Variants in SMYD3 observed in about 807,000 individuals in gnomAD.
The protein encoded by SMYD3 is histone-lysine N-methyltransferase SMYD3.
SMYD3 carries 36 observed loss-of-function variants against 57.7 expected under a neutral mutation model. The observed-to-expected ratio is 0.62, with a 90% CI of 0.48 to 0.82. The LOEUF is 0.82. Among genes scored for constraint, SMYD3 ranks in the 40% least tolerant of loss-of-function variants. The pLI is 0.00. For synonymous variants in SMYD3, 211 were observed against 195.0 expected, an observed-to-expected ratio of 1.08 and a Z score of -0.68; for missense variants, 515 against 538.8, an observed-to-expected ratio of 0.96 and a Z score of 0.44.
At chr1:246,296,921 G>A (rs1028896380) in intron 5 of SMYD3, among the ~76,000 whole-genome samples, 2 of 152,140 alleles carry the variant, frequency 1.3e-5, no homozygotes, top group Non-Finnish European at 2.9e-5. Flanking sequence ...ATGCTTCTAG[G>A]TTGAGGAACT....
chr1:246,256,484 T>C (rs2063896959), intron 5 of SMYD3, among the ~76,000 whole-genome samples: 1 of 152,232 alleles, frequency 6.6e-6, no homozygotes, highest in Admixed American at 6.5e-5. Context: ...GTGTTCATAA[T>C]AGTCTCTGAG....
At position 246,378,765 on chromosome 1, in the gene SMYD3, T is replaced by G. The variant is rs1179771469; in HGVS notation, c.165-23671A>C. Among the ~76,000 whole-genome samples, 5 of 120,478 alleles carry G rather than the reference T, an allele frequency of 4.2e-5. No individual in the cohort carries two copies. In the South Asian group the frequency reaches 1.1e-3, roughly 27 times the overall value. The allele number at this position is 120,478 out of a possible 152,430, so 79.0% of individuals were successfully genotyped here. A position where few individuals can be genotyped will look rare whatever the true frequency, so the allele number is the denominator to read the frequency against. ...AATTATATATAATATATTTAATATA[T>G]TATATATAATTTAATATATTTAATA... On this transcript the variant is annotated intron_variant, in intron 1 of 11. Transcript: ENST00000490107.
intron 10 of SMYD3, among the ~76,000 whole-genome samples, chr1:245,808,029 G>GA (rs146217578): frequency 0.011 from 1,617 of 152,168 alleles, 25 homozygotes; most frequent in African/African-American, 0.036. Context: ...AATGAGGACA[G>GA]AAAAAAATGT....
intron 8 of SMYD3, among the ~76,000 whole-genome samples, chr1:245,885,515 C>G (rs141683610): frequency 6.6e-6 from 1 of 152,150 alleles, no homozygotes; most frequent in African/African-American, 2.4e-5. Flanking sequence ...AAAACCTTAC[C>G]GAGGACTTCC....
intron 5 of SMYD3, among the ~76,000 whole-genome samples, chr1:245,983,092 C>T (rs1277111224): frequency 6.6e-6 from 1 of 152,134 alleles, no homozygotes; most frequent in African/African-American, 2.4e-5. Flanking sequence ...ATCTTTCCCC[C>T]CATGCTACCA....
intron 5 of SMYD3, among the ~76,000 whole-genome samples, chr1:246,071,846 CTGG>C (rs1342220107): frequency 6.3e-5 from 9 of 141,802 alleles, no homozygotes; most frequent in Admixed American, 6.3e-4. Flanking sequence ...CCTGTTAGTT[CTGG>C]GGAGGGATTC....
At chr1:246,440,474 A>G (rs2067445333) in intron 1 of SMYD3, among the ~76,000 whole-genome samples, 1 of 152,196 alleles carries the variant, frequency 6.6e-6, no homozygotes, top group Admixed American at 6.5e-5. Flanking sequence ...ATATCTAATG[A>G]TATTTTGGAT....
At chr1:246,139,830 GA>G (rs1232359375) in intron 5 of SMYD3, among the ~76,000 whole-genome samples, 1 of 152,152 alleles carries the variant, frequency 6.6e-6, no homozygotes, top group Non-Finnish European at 1.5e-5. Context: ...AATCCTGCTG[GA>G]AAGGAAAGAG....
intron 10 of SMYD3, among the ~76,000 whole-genome samples, chr1:245,776,762 G>C (rs2046619395): frequency 6.6e-6 from 1 of 152,218 alleles, no homozygotes; most frequent in Admixed American, 6.5e-5. Flanking sequence ...TGTTGTAGCA[G>C]AGCAGCTAGC....
chr1:246,255,242 C>T (rs1474189255), intron 5 of SMYD3, among the ~76,000 whole-genome samples: 1 of 151,760 alleles, frequency 6.6e-6, no homozygotes, highest in Non-Finnish European at 1.5e-5. Flanking sequence ...TTTGTCCATT[C>T]AGGATAATGT....
intron 5 of SMYD3, among the ~76,000 whole-genome samples, chr1:246,307,074 C>G (rs1045981153): frequency 6.6e-6 from 1 of 152,086 alleles, no homozygotes; most frequent in Non-Finnish European, 1.5e-5. Flanking sequence ...CAGGAGAAGC[C>G]TAATCACTCA....
At chr1:246,221,910 A>G (rs188277706) in intron 5 of SMYD3, among the ~76,000 whole-genome samples, 22 of 152,318 alleles carry the variant, frequency 1.4e-4, no homozygotes, top group Non-Finnish European at 2.8e-4. Flanking sequence ...GTTTCCGGCC[A>G]GAAAAGTGAC....
chr1:246,491,114 A>C (rs1024605851), intron 1 of SMYD3, among the ~76,000 whole-genome samples: 3 of 152,218 alleles, frequency 2.0e-5, no homozygotes, highest in Non-Finnish European at 2.9e-5. Flanking sequence ...GAAAGCACCA[A>C]AGTGAGAGTA....
chr1:246,394,687 A>T (rs1375190506), intron 1 of SMYD3, among the ~76,000 whole-genome samples: 1 of 152,210 alleles, frequency 6.6e-6, no homozygotes, highest in Non-Finnish European at 1.5e-5. Flanking sequence ...GAACTCAGCT[A>T]TGCTTTATGA....
chr1:246,088,682 A>T (rs1296977634), intron 5 of SMYD3, among the ~76,000 whole-genome samples: 1 of 152,170 alleles, frequency 6.6e-6, no homozygotes, highest in Non-Finnish European at 1.5e-5. Flanking sequence ...ATTTTATCCT[A>T]GAGGTAAGTC....
At chr1:245,905,364 T>G (rs191888852) in intron 8 of SMYD3, among the ~76,000 whole-genome samples, 27 of 152,088 alleles carry the variant, frequency 1.8e-4, no homozygotes, top group African/African-American at 6.5e-4. Flanking sequence ...CTGACTAGAG[T>G]CCCAAATCCC....
chr1:245,877,892 G>A (rs560179375), intron 8 of SMYD3, among the ~76,000 whole-genome samples: 6 of 152,316 alleles, frequency 3.9e-5, no homozygotes, highest in African/African-American at 9.6e-5. Context: ...GGAAGTCAAC[G>A]CCACGCAGGT....
intron 5 of SMYD3, among the ~76,000 whole-genome samples, chr1:245,993,452 G>C (rs1484374822): frequency 6.6e-6 from 1 of 151,934 alleles, no homozygotes; most frequent in Non-Finnish European, 1.5e-5. Context: ...TAAAAAATAG[G>C]AGCCAAGCAT....
At chr1:246,215,243 G>A (rs932938275) in intron 5 of SMYD3, among the ~76,000 whole-genome samples, 1 of 152,046 alleles carries the variant, frequency 6.6e-6, no homozygotes, top group Non-Finnish European at 1.5e-5. Flanking sequence ...TTGTTTGCAT[G>A]GTCTATGTAT....
Sources: allele counts gnomAD v4.1 joint callset (sites outside exome capture counted in the v4.1 genomes callset), GRCh38; gene constraint gnomAD v4.1.1; transcripts MANE v1.5; gene names NCBI Gene and HGNC (gene_info 2026-07-23, HGNC 2026-07-21).